Variants in PTPRT observed in about 807,000 individuals in gnomAD.
PTPRT encodes protein tyrosine phosphatase receptor type T, also known as receptor-type tyrosine-protein phosphatase T.
In PTPRT, 56 loss-of-function variants were observed where a neutral mutation model predicts 176.8. The observed-to-expected ratio is 0.32, with a 90% CI of 0.26 to 0.40. The LOEUF (loss-of-function observed/expected upper bound fraction) is 0.40. PTPRT is among the 10% of genes least tolerant of loss of function. The pLI is 1.00. For synonymous variants in PTPRT, 783 were observed against 739.0 expected (o/e 1.06, Z -0.96); for missense variants, 1,540 against 1,908.2 (o/e 0.81, Z 3.60).
chr20:42,169,684 C>T (rs2146537010), intron 16 of PTPRT, among the ~76,000 whole-genome samples: 1 of 148,556 alleles, frequency 6.7e-6, no homozygotes, highest in African/African-American at 2.5e-5. Context: ...AGAAGAAAAT[C>T]CACCATGTTA....
chr20:42,209,775 G>A (rs1440394274), intron 15 of PTPRT, among the ~76,000 whole-genome samples: 2 of 152,144 alleles, frequency 1.3e-5, no homozygotes, highest in Non-Finnish European at 2.9e-5. Flanking sequence ...GAAAAAGAGG[G>A]AATCCTCCAT....
chr20:42,756,688 C>T (rs2076838217), intron 5 of PTPRT, 52 bp from the exon 6 acceptor site: 4 of 1,440,324 alleles, frequency 2.8e-6, no homozygotes, highest in Middle Eastern at 1.8e-4. Flanking sequence ...TCATAGGCTT[C>T]TAGGTGACTC....
chr20:42,176,479 T>A (rs1049729753), intron 16 of PTPRT, among the ~76,000 whole-genome samples: 3 of 152,192 alleles, frequency 2.0e-5, no homozygotes, highest in Non-Finnish European at 4.4e-5. Flanking sequence ...GGACATGATT[T>A]GGAGTTTCTC....
intron 1 of PTPRT, among the ~76,000 whole-genome samples, chr20:43,089,657 A>G (rs1490510929): frequency 2.0e-5 from 3 of 152,194 alleles, no homozygotes; most frequent in African/African-American, 4.8e-5. Context: ...GAGGAGAAAG[A>G]AGCTGTTTCC....
At chr20:42,964,662 A>C (rs1382489231) in intron 1 of PTPRT, among the ~76,000 whole-genome samples, 1 of 151,930 alleles carries the variant, frequency 6.6e-6, no homozygotes, top group Non-Finnish European at 1.5e-5. Flanking sequence ...CATATATCAA[A>C]CCTCTCTCCC....
At chr20:42,642,770 A>C (rs770121402) in intron 7 of PTPRT, among the ~76,000 whole-genome samples, 1 of 152,210 alleles carries the variant, frequency 6.6e-6, no homozygotes. Context: ...TGGGAGGTTA[A>C]TGTAAAAAAC....
chr20:42,625,601 A>G (rs1474607728), intron 7 of PTPRT, among the ~76,000 whole-genome samples: 20 of 152,150 alleles, frequency 1.3e-4, no homozygotes, highest in Non-Finnish European at 1.5e-5. Flanking sequence ...GCCACATCTC[A>G]ATCTCAGAAC....
At chr20:42,585,995 T>C (rs558588558) in intron 7 of PTPRT, among the ~76,000 whole-genome samples, 1 of 152,340 alleles carries the variant, frequency 6.6e-6, no homozygotes, top group South Asian at 2.1e-4. Flanking sequence ...TTTGCTGGTA[T>C]TCTTACTCAG....
At chr20:42,864,622 A>G (rs1251722468) in intron 2 of PTPRT, among the ~76,000 whole-genome samples, 2 of 152,216 alleles carry the variant, frequency 1.3e-5, no homozygotes, top group Non-Finnish European at 2.9e-5. Context: ...AACTTTGCTC[A>G]ATAGCTTTGC....
intron 6 of PTPRT, among the ~76,000 whole-genome samples, chr20:42,751,785 A>C (rs2076774102): frequency 6.6e-6 from 1 of 152,080 alleles, no homozygotes; most frequent in Non-Finnish European, 1.5e-5. Flanking sequence ...GCCTTTGGCC[A>C]CAGACTAAAG....
At chr20:43,139,198 G>A (rs750028344) in intron 1 of PTPRT, among the ~76,000 whole-genome samples, 10 of 152,262 alleles carry the variant, frequency 6.6e-5, no homozygotes, top group Middle Eastern at 3.4e-3. Context: ...TTTATCAATC[G>A]TCCTGGCCTC....
chr20:43,113,508 G>C (rs556229747), intron 1 of PTPRT, among the ~76,000 whole-genome samples: 1 of 152,084 alleles, frequency 6.6e-6, no homozygotes, highest in African/African-American at 2.4e-5. Context: ...CTGTGTGACA[G>C]AGTTTAGAAC....
At chr20:42,824,570 A>T (rs1479927529) in intron 2 of PTPRT, among the ~76,000 whole-genome samples, 2 of 152,088 alleles carry the variant, frequency 1.3e-5, no homozygotes, top group Non-Finnish European at 2.9e-5. Flanking sequence ...AGTATTTGAA[A>T]AAACAATGGA....
At chr20:42,657,035 T>C (rs535054202) in intron 7 of PTPRT, among the ~76,000 whole-genome samples, 17 of 152,276 alleles carry the variant, frequency 1.1e-4, no homozygotes, top group African/African-American at 3.1e-4. Context: ...GTGGAGGTAA[T>C]TGAATCATGG....
intron 9 of PTPRT, among the ~76,000 whole-genome samples, chr20:42,417,646 T>A (rs1047324120): frequency 4.0e-5 from 6 of 150,286 alleles, no homozygotes; most frequent in Non-Finnish European, 5.9e-5. Flanking sequence ...AAAACTTCAT[T>A]CATACTTTGA....
chr20:42,959,928 A>C (rs1056031914), intron 1 of PTPRT, among the ~76,000 whole-genome samples: 6 of 152,144 alleles, frequency 3.9e-5, no homozygotes, highest in African/African-American at 1.4e-4. Flanking sequence ...ACTCCTTACC[A>C]GGGACCTCGC....
the PTPRT span, among the ~76,000 whole-genome samples, chr20:42,065,258 C>T: frequency 3.4e-4 from 52 of 151,306 alleles, no homozygotes; most frequent in African/African-American, 1.0e-3. Context: ...CACACAGCAA[C>T]GGTAACTGTA....
In PTPRT at chr20:43,147,946, A is replaced by G. The variant is rs189637089; in HGVS notation, c.88+41700T>C. Among the ~76,000 whole-genome samples, 64 of 152,282 alleles carry G rather than the reference A, an allele frequency of 4.2e-4. 1 individual carries two copies. The highest frequency in any genetic ancestry group is 9.4e-4 in the African/African-American group (39 of 41,562). ...CATTTGACCCATCTAGATTCTTCCTATCAGGTTAGAAAACATGAATAACTC... is the reference window on the plus strand; with the variant it reads ...CATTTGACCCATCTAGATTCTTCCTGTCAGGTTAGAAAACATGAATAACTC... On this transcript the variant is annotated intron_variant, in intron 1 of 30. Coordinates refer to ENST00000373187, the MANE Select transcript of PTPRT (RefSeq NM_007050.6).
Position 43,007,939 on chromosome 20 carries a change from T to C in PTPRT, c.89-122007A>G, listed in dbSNP as rs925420658. Among the ~76,000 whole-genome samples the C allele has an allele frequency of 9.2e-5, 14 of 152,128 alleles. No individual in the cohort carries two copies. In the South Asian group the frequency reaches 1.0e-3, roughly 11 times the overall value. ...AATAGAACCCTCTATGAGTGTGAAA[T>C]AAGAAAAGCCAAGTAAAAGTGCTGA... On this transcript the variant is annotated intron_variant, in intron 1 of 30. Transcript: ENST00000373187.
Sources: gnomAD v4.1 joint callset for allele counts (sites outside exome capture counted in the v4.1 genomes callset) on GRCh38, gnomAD v4.1.1 for gene constraint, MANE v1.5 for transcripts, NCBI Gene and HGNC (gene_info 2026-07-23, HGNC 2026-07-21) for gene names.